The following SAT1 variants were observed in gnomAD, a reference collection of about 807,000 sequenced individuals.
The protein encoded by SAT1 is spermidine/spermine N1-acetyltransferase 1, also known as diamine acetyltransferase 1.
Under a neutral mutation model 14.7 loss-of-function variants are expected in SAT1, and 1 was observed. The observed-to-expected ratio is 0.07, with a 90% confidence interval of 0.02 to 0.32. SAT1 has a LOEUF of 0.32. SAT1 is among the 10% of genes least tolerant of loss of function. SAT1 has a pLI of 1.00. For missense variants in SAT1, 77 were observed against 129.1 expected (o/e 0.60, Z 1.96); for synonymous variants, 67 against 46.1 (o/e 1.45, Z -1.84).
At chrX:23,784,014 G>A (rs1922616636) in intron 3 of SAT1, 131 bp downstream of exon 3, 1 of 1,158,108 alleles carries the variant, frequency 8.6e-7, no homozygotes, top group Non-Finnish European at 1.1e-6. Context: ...GCCAGCAAGT[G>A]TTCAAACTAC....
At chrX:23,783,462 G>A (rs747542931) in intron 1 of SAT1, 45 bp downstream of exon 1, 5 of 1,116,084 alleles carry the variant, frequency 4.5e-6, no homozygotes, top group Non-Finnish European at 6.1e-6. Flanking sequence ...GGTGGAGGTG[G>A]CTCCGTTTCC....
rs1922701540 is a variant in SAT1, at chrX:23,785,914, C to A, written c.*58C>A. The A allele has an allele frequency of 9.0e-6, 9 of 996,380 alleles. No individual in the cohort carries two copies. 82.1% of individuals were successfully genotyped at this position (996,380 alleles called of 1,213,427 possible). On this transcript the variant is annotated 3_prime_UTR_variant, in exon 6 of 6. Transcript: ENST00000379270. ...ATTTTAGAATAAATTCCCAACTTCT[C>A]TTGCTTTCTATGCTGTTTGTAGTGA...
Position 23,783,387 on chromosome X carries a change from C to G in SAT1, c.36C>G (p.Ala12=). ...AKFVIRPATA[A]DCSDILRLIK... ...TCGTGATCCGCCCAGCCACTGCCGC[C>G]GACTGCAGTGACATACTGCGGCTGA... The change falls in exon 1 of 6, where the codon GCC becomes GCG. Residue 12 remains alanine (A), a synonymous_variant. Coordinates refer to ENST00000379270, the MANE Select transcript of SAT1 (RefSeq NM_002970.4). 3 of 1,211,236 alleles carry G rather than the reference C, an allele frequency of 2.5e-6. No homozygotes were observed. In the South Asian group the frequency reaches 5.3e-5, roughly 21 times the overall value.
rs773960231 is a variant in SAT1, at chrX:23,783,642, A to G, written c.67-16A>G. 3 of 1,168,193 alleles carry G rather than the reference A, an allele frequency of 2.6e-6. No homozygotes were observed. Among genetic ancestry groups the G allele is most frequent in the Admixed American group, 4.9e-5 (2 of 41,182 alleles). Reference sequence around the variant, plus strand: ...TTTGTTTTCTACTTTTTTCTCTCCTATGTGCATCCCCCCAGGAGCTGGCTA... The same window carrying G: ...TTTGTTTTCTACTTTTTTCTCTCCTGTGTGCATCCCCCCAGGAGCTGGCTA... On this transcript the variant is annotated splice_polypyrimidine_tract_variant and intron_variant, in intron 1 of 5. Transcript: ENST00000379270.
intron 3 of SAT1, 122 bp from the exon 4 acceptor site, chrX:23,785,206 A>G: frequency 1.9e-6 from 1 of 535,487 alleles, no homozygotes; most frequent in South Asian, 2.7e-5. Flanking sequence ...AGCCATGGCT[A>G]CTTGTTTCTG....
chrX:23,785,318 C>G lies in SAT1; in HGVS notation c.203-10C>G. ...CCTTCTCCACATCTCATGTGATGCT[C>G]TTATTACAGGACACAGCATTGTTGG... On this transcript the variant is annotated splice_polypyrimidine_tract_variant and intron_variant, in intron 3 of 5. Coordinates refer to ENST00000379270, the MANE Select transcript of SAT1 (RefSeq NM_002970.4). 2 of 1,165,766 alleles carry G rather than the reference C, an allele frequency of 1.7e-6. No homozygotes were observed. Among genetic ancestry groups the G allele is most frequent in the Non-Finnish European group, 2.3e-6 (2 of 853,473 alleles).
chrX:23,784,568 CTTTTTTTTTT>C (rs9306769), intron 3 of SAT1, among the ~76,000 whole-genome samples: 8 of 60,601 alleles, frequency 1.3e-4, no homozygotes, highest in Non-Finnish European at 2.3e-4. Context: ...TGTCAGATGC[CTTTTTTTTTT>C]TTTTTTTTTT....
Position 23,785,808 on chromosome X carries a change from G to C in SAT1, c.468G>C (p.Leu156=), listed in dbSNP as rs1922696323. The change falls in exon 6 of 6, where the codon CTG becomes CTC. Residue 156 remains leucine, a synonymous_variant. Transcript: ENST00000379270. ...SDLSSEEGWR[L]FKIDKEYLLK... ...TGTCCAGTGAAGAGGGTTGGAGACTGTTCAAGATCGACAAGGAGTACTTGC... is the reference window on the plus strand; with the variant it reads ...TGTCCAGTGAAGAGGGTTGGAGACTCTTCAAGATCGACAAGGAGTACTTGC... 1 of 1,206,577 alleles carries C rather than the reference G, an allele frequency of 8.3e-7. No individual in the cohort carries two copies. The highest frequency in any genetic ancestry group is 1.1e-6 in the Non-Finnish European group (1 of 893,073).
In SAT1 at chrX:23,785,436, T is replaced by C; in HGVS notation, c.304+7T>C. ...GTGATGAGTGATTATAGAGGTACGA[T>C]TGAGTTCGGAGCAGAGGGTCTGAAG... On this transcript the variant is annotated splice_region_variant and intron_variant, in intron 4 of 5. Transcript: ENST00000379270. 1.7e-6 allele frequency: 2 copies of C among 1,178,465 alleles called. No individual in the cohort carries two copies. The highest frequency in any genetic ancestry group is 3.0e-5 in the East Asian group (1 of 33,755).
chrX:23,785,471 A>G (rs776784626), intron 4 of SAT1, 42 bp downstream of exon 4: 47 of 1,168,413 alleles, frequency 4.0e-5, no homozygotes, highest in Non-Finnish European at 5.3e-5. Flanking sequence ...GAGAGTTCAG[A>G]GTTATAAATG....
In SAT1 at chrX:23,785,612, A is replaced by C. The variant is rs1366026463; in HGVS notation, c.345+52A>C. 3 of 1,184,673 alleles carry C rather than the reference A, an allele frequency of 2.5e-6. No homozygotes were observed. The Admixed American group carries it at 6.6e-5, about 26-fold the overall frequency. ...TTTGTAAGTTTACTGGATTATTTTA[A>C]TGATGGAATAAAAATTGGGTCTTGA... On this transcript the variant is annotated intron_variant, in intron 5 of 5. Transcript: ENST00000379270.
chrX:23,785,158 C>A, intron 3 of SAT1, 170 bp from the exon 4 acceptor site: 1 of 460,965 alleles, frequency 2.2e-6, no homozygotes, highest in Non-Finnish European at 3.8e-6. Flanking sequence ...GATCATCCAG[C>A]AGTGGCCTGG....
intron 3 of SAT1, chrX:23,784,147 T>A: frequency 9.8e-7 from 1 of 1,021,675 alleles, no homozygotes; most frequent in Non-Finnish European, 1.3e-6. Context: ...TAAGTAAGTA[T>A]AAGTGCTGTG....
chrX:23,784,159 A>T, intron 3 of SAT1: 3 of 958,274 alleles, frequency 3.1e-6, no homozygotes, highest in Non-Finnish European at 4.0e-6. Context: ...AGTGCTGTGG[A>T]GACCCGGAAG....
chrX:23,785,530 A>G lies in SAT1; in HGVS notation c.315A>G (p.Ile105Met). 1 of 1,208,303 alleles carries G rather than the reference A, an allele frequency of 8.3e-7. No individual in the cohort carries two copies. Among genetic ancestry groups the G allele is most frequent in the East Asian group, 3.0e-5 (1 of 33,885 alleles). Reference sequence around the variant, plus strand: ...ACTCTTTCTTTTTAGGCTTTGGCATAGGATCAGAAATTCTGAAGAATCTAA... The same window carrying G: ...ACTCTTTCTTTTTAGGCTTTGGCATGGGATCAGAAATTCTGAAGAATCTAA... ...FVMSDYRGFGIGSEILKNLSQ... is the reference protein window; with the variant it reads ...FVMSDYRGFGMGSEILKNLSQ... The change falls in exon 5 of 6, where the codon ATA (isoleucine) becomes ATG (methionine). Residue 105 changes from isoleucine to methionine, a missense_variant. Ile to Met is a conservative substitution (Grantham distance 10, BLOSUM62 1). Transcript: ENST00000379270.
Position 23,783,785 on chromosome X carries a change from T to G in SAT1, c.119-15T>G, listed in dbSNP as rs760416815. On this transcript the variant is annotated splice_polypyrimidine_tract_variant and intron_variant, in intron 2 of 5. Coordinates refer to ENST00000379270, the MANE Select transcript of SAT1 (RefSeq NM_002970.4). ...TCGCCAAGGCCATTACCGCCCCTGC[T>G]CCCCCTTCTTGCAGATCTGCTAGAA... is the stretch of plus-strand genomic sequence containing the variant. The G allele has an allele frequency of 2.3e-4, 276 of 1,209,609 alleles. 2 individuals carry two copies. The South Asian group carries it at 4.6e-3, about 20-fold the overall frequency.
At chrX:23,785,630 G>A (rs1247028406) in intron 5 of SAT1, 56 bp from the exon 6 acceptor site, 2 of 1,181,546 alleles carry the variant, frequency 1.7e-6, no homozygotes, top group African/African-American at 1.8e-5. Context: ...ATAAAAATTG[G>A]GTCTTGAGAG....
rs1196797883 is a variant in SAT1 at position 23,786,057 on chromosome X, C to T, written c.*201C>T. The T allele has an allele frequency of 2.9e-6, 1 of 347,599 alleles. No individual in the cohort carries two copies. The highest frequency in any genetic ancestry group is 5.0e-6 in the Non-Finnish European group (1 of 199,871). The allele number at this position is 347,599 out of a possible 1,213,427, so 28.6% of individuals were successfully genotyped here. The stretch of plus-strand genomic sequence containing the variant: ...GCAGTTTGGAGAGTCAGATCTTTCT[C>T]CTTGAATATCTTTCGATAAACAACA... On this transcript the variant is annotated 3_prime_UTR_variant, in exon 6 of 6. Coordinates refer to ENST00000379270, the MANE Select transcript of SAT1 (RefSeq NM_002970.4).
rs764882680 is a variant in SAT1 at position 23,783,384 on chromosome X, C to A, written c.33C>A (p.Ala11=). Residue 11 remains alanine, a synonymous_variant, in exon 1 of 6, where the codon GCC becomes GCA. Coordinates refer to ENST00000379270, the MANE Select transcript of SAT1 (RefSeq NM_002970.4). ...AATTCGTGATCCGCCCAGCCACTGCCGCCGACTGCAGTGACATACTGCGGC... is the reference window on the plus strand; with the variant it reads ...AATTCGTGATCCGCCCAGCCACTGCAGCCGACTGCAGTGACATACTGCGGC... The part of the protein sequence containing the change: MAKFVIRPAT[A]ADCSDILRLI... 1 of 1,211,058 alleles carries A rather than the reference C, an allele frequency of 8.3e-7. No individual in the cohort carries two copies. The highest frequency in any genetic ancestry group is 3.0e-5 in the East Asian group (1 of 33,835).
Sources: allele counts gnomAD v4.1 joint callset (sites outside exome capture counted in the v4.1 genomes callset), GRCh38; gene constraint gnomAD v4.1.1; transcripts MANE v1.5; gene names NCBI Gene and HGNC (gene_info 2026-07-23, HGNC 2026-07-21).